Variants in DNAH2 observed in about 807,000 individuals in gnomAD.
DNAH2 encodes dynein axonemal heavy chain 2, also known as axonemal beta dynein heavy chain 2.
A neutral mutation model predicts 523.5 loss-of-function variants in DNAH2; 323 were observed. The observed-to-expected ratio is 0.62, with a 90% CI of 0.56 to 0.68. The LOEUF is 0.68. Ranked by LOEUF, DNAH2 falls within the 30% of genes least tolerant of loss-of-function variation. The pLI is 0.00. For missense variants in DNAH2, 4,907 were observed against 5,701.5 expected, an observed-to-expected ratio of 0.86 and a Z score of 4.49; for synonymous variants, 2,093 against 2,177.4, an observed-to-expected ratio of 0.96 and a Z score of 1.08.
chr17:7,738,479 G>A (rs916720359), intron 8 of DNAH2, among the ~76,000 whole-genome samples: 16 of 151,938 alleles, frequency 1.1e-4, no homozygotes, highest in African/African-American at 1.7e-4. Context: ...ACAGGTGCCC[G>A]CCACCATGCC....
intron 18 of DNAH2, among the ~76,000 whole-genome samples, chr17:7,763,467 G>A (rs1447158826): frequency 6.6e-6 from 1 of 152,046 alleles, no homozygotes; most frequent in Non-Finnish European, 1.5e-5. Context: ...TTTTAGTAGA[G>A]ATAAGGTTTC....
rs113927997 is a variant in DNAH2 at position 7,764,024 on chromosome 17, G to T, written c.3172G>T (p.Ala1058Ser). 4 of 1,614,074 alleles carry T rather than the reference G, an allele frequency of 2.5e-6. No individual in the cohort carries two copies. Among genetic ancestry groups the T allele is most frequent in the Non-Finnish European group, 3.4e-6 (4 of 1,180,038 alleles). The change falls in exon 19 of 86, where the codon GCA becomes TCA. Residue 1058 changes from alanine (A) to serine (S), a missense_variant. Coordinates refer to ENST00000572933, the MANE Select transcript of DNAH2 (RefSeq NM_020877.5). The part of the protein sequence containing the change: ...LELHTYLKEN[A>S]EKISRPPQTL... The stretch of plus-strand genomic sequence containing the variant: ...GCTGCACACCTACCTGAAGGAGAAC[G>T]CAGAGAAGTGCGGGCTGGGGCGCCC...
At chr17:7,816,982 G>A (rs1337711420) in intron 64 of DNAH2, among the ~76,000 whole-genome samples, 1 of 152,154 alleles carries the variant, frequency 6.6e-6, no homozygotes, top group Non-Finnish European at 1.5e-5. Context: ...GCACACACAA[G>A]GACTCTTGAT....
chr17:7,722,994 A>T (rs1597448626), intron 2 of DNAH2, among the ~76,000 whole-genome samples: 2 of 115,378 alleles, frequency 1.7e-5, no homozygotes, highest in African/African-American at 3.5e-5. Flanking sequence ...TTTGAGACAG[A>T]GTCTTCGCTC....
chr17:7,748,977 A>C (rs1050805632), intron 12 of DNAH2, among the ~76,000 whole-genome samples: 1 of 151,950 alleles, frequency 6.6e-6, no homozygotes, highest in African/African-American at 2.4e-5. Context: ...GTTGACTGAC[A>C]TATTAAACTT....
chr17:7,797,729 A>G lies in DNAH2; in HGVS notation c.8130A>G (p.Thr2710=). ...PKVYEDLTDL[T]VLKTVMETAL... ...TGTATGAAGACCTCACGGATCTGAC[A>G]GTGCTGAAGACAGTCATGGAGACAG... is the stretch of plus-strand genomic sequence containing the variant. Residue 2710 remains threonine (T), a synonymous_variant, in exon 53 of 86, where the codon ACA becomes ACG. Coordinates refer to ENST00000572933, the MANE Select transcript of DNAH2 (RefSeq NM_020877.5). The G allele has an allele frequency of 1.2e-6, 2 of 1,614,176 alleles. No homozygotes were observed. Among genetic ancestry groups the G allele is most frequent in the Non-Finnish European group, 1.7e-6 (2 of 1,180,038 alleles).
intron 63 of DNAH2, among the ~76,000 whole-genome samples, chr17:7,810,549 C>T (rs533305300): frequency 3.9e-5 from 6 of 152,064 alleles, no homozygotes; most frequent in South Asian, 2.1e-4. Flanking sequence ...CCACCACGCC[C>T]GGCTAATTTT....
chr17:7,813,470 T>C (rs1247654221), intron 63 of DNAH2, among the ~76,000 whole-genome samples: 1 of 152,150 alleles, frequency 6.6e-6, no homozygotes, highest in Non-Finnish European at 1.5e-5. Context: ...GGAGACTTGT[T>C]ACATAAATCA....
chr17:7,793,447 T>TTCTTTTTCTTTCTTTC lies in DNAH2; in HGVS notation c.7569+243_7569+244insCTTTTTCTTTCTTTCT, dbSNP rs774059490. ...GCCTGCTTGCTTTTTCTTTCTTTCT[T>TTCTTTTTCTTTCTTTC]TTTCTTTCTTTCTTTCTTTCTTTCT... is the stretch of plus-strand genomic sequence containing the variant. On this transcript the variant is annotated intron_variant, in intron 48 of 85. Coordinates refer to ENST00000572933, the MANE Select transcript of DNAH2 (RefSeq NM_020877.5). Among the ~76,000 whole-genome samples, 676 of 96,388 alleles carry TTCTTTTTCTTTCTTTC rather than the reference T, an allele frequency of 7.0e-3. 4 individuals are homozygous for TTCTTTTTCTTTCTTTC. The highest frequency in any genetic ancestry group is 0.02 in the East Asian group (73 of 3,686). The allele number at this position is 96,388 out of a possible 152,430, so 63.2% of individuals were successfully genotyped here. A position where few individuals can be genotyped will look rare whatever the true frequency, so the allele number is the denominator to read the frequency against.
rs1567643195 is a variant in DNAH2, at chr17:7,754,273, T to TATAGG, written c.1905-2817_1905-2816insTAGGA. 1.7e-5 allele frequency: 5 copies of TATAGG among 295,690 alleles called. No homozygotes were observed. Among genetic ancestry groups the TATAGG allele is most frequent in the Non-Finnish European group, 3.1e-5 (5 of 162,274 alleles). The allele number at this position is 295,690 out of a possible 1,614,324, so 18.3% of individuals were successfully genotyped here. A position where few individuals can be genotyped will look rare whatever the true frequency, so the allele number is the denominator to read the frequency against. ...AACTTAAATGATGGGAAGGAACTAG[T>TATAGG]AGATTGAAGGTATAGGAGAGCTGGA... On this transcript the variant is annotated intron_variant, in intron 12 of 85. Coordinates refer to ENST00000572933, the MANE Select transcript of DNAH2 (RefSeq NM_020877.5). The surrounding 1 kb of genome is among the most constrained non-coding windows in gnomAD (Gnocchi z 4.6).
At chr17:7,787,502 A>G (rs541511251) in intron 42 of DNAH2, 182 of 247,302 alleles carry the variant, frequency 7.4e-4, no homozygotes, top group African/African-American at 3.8e-3. Context: ...TGGGAGGCCA[A>G]GGTGGGCAGA....
chr17:7,732,396 T>C (rs2075015335), intron 4 of DNAH2, among the ~76,000 whole-genome samples: 1 of 143,310 alleles, frequency 7.0e-6, no homozygotes, highest in Non-Finnish European at 1.5e-5. Flanking sequence ...GATTGCACCA[T>C]TGCACTCCAG....
chr17:7,733,144 A>G lies in DNAH2; in HGVS notation c.457A>G (p.Asn153Asp). Residue 153 changes from asparagine (N) to aspartate (D), a missense_variant, in exon 5 of 86, where the codon AAC (asparagine) becomes GAC (aspartate). Physicochemically the swap from Asn to Asp is conservative, Grantham distance 23. This residue lies in a region of DNAH2 where 2,806 missense variants were observed against 3,190.8 expected (regional missense o/e 0.88). Transcript: ENST00000572933. ...AGCACCAGTTCCCATCACCTGGGAG[A>G]ACTTCGAGGCAACTGTGCAGTTTGG... The part of the protein sequence containing the change: ...RQAPVPITWE[N>D]FEATVQFGTV... 1 of 1,614,134 alleles carries G rather than the reference A, an allele frequency of 6.2e-7. No individual in the cohort carries two copies. Among genetic ancestry groups the G allele is most frequent in the Non-Finnish European group, 8.5e-7 (1 of 1,180,034 alleles).
chr17:7,757,530 G>T (rs939752284), intron 13 of DNAH2, among the ~76,000 whole-genome samples: 2 of 152,094 alleles, frequency 1.3e-5, no homozygotes, highest in African/African-American at 4.8e-5. Context: ...GGAATGAGAC[G>T]GGCTGGCATT....
In DNAH2 at chr17:7,821,567, G is replaced by A. The variant is rs2077856349; in HGVS notation, c.11142+198G>A. On this transcript the variant is annotated intron_variant, in intron 73 of 85. Coordinates refer to ENST00000572933, the MANE Select transcript of DNAH2 (RefSeq NM_020877.5). This position sits in a 1 kb window ranked among gnomAD's most constrained non-coding sequence, Gnocchi z 5.0. ...CTTGCCATGCACCCCCTTGCACTCA[G>A]CGCAGGCTGGGCTTTGTGGCATGTC... Among the ~76,000 whole-genome samples the A allele has an allele frequency of 6.6e-6, 1 of 152,172 alleles. No homozygotes were observed.
In DNAH2 at chr17:7,817,992, T is replaced by C; in HGVS notation, c.10283T>C (p.Leu3428Pro). Residue 3428 changes from leucine (L) to proline (P), a missense_variant, in exon 68 of 86, where the codon CTA (leucine) becomes CCA (proline). Leu to Pro is a moderately conservative substitution (Grantham distance 98). Around this residue, in one of 3 missense-constraint regions of DNAH2, gnomAD observed 1,851 missense variants for 2,139.4 expected, o/e 0.87. Coordinates refer to ENST00000572933, the MANE Select transcript of DNAH2 (RefSeq NM_020877.5). ...CAGATGAGCGATTACCTGCGAATCC[T>C]AGAACACGCCATTCACTTTGGATAC... ...DLQMSDYLRI[L>P]EHAIHFGYPV... 6.2e-7 allele frequency: 1 copy of C among 1,614,126 alleles called. No individual in the cohort carries two copies. The highest frequency in any genetic ancestry group is 1.1e-5 in the South Asian group (1 of 91,076).
At position 7,774,987 on chromosome 17, in the gene DNAH2, G is replaced by A; in HGVS notation, c.4719+11G>A. On this transcript the variant is annotated intron_variant, in intron 29 of 85. Transcript: ENST00000572933. ...CTGAGAATCCAGAAGGTCAGTAGAA[G>A]TGGCCACAGTGAGATGCTGGGTGGC... is the stretch of plus-strand genomic sequence containing the variant. The A allele has an allele frequency of 1.2e-6, 2 of 1,612,572 alleles. No individual in the cohort carries two copies. The highest frequency in any genetic ancestry group is 2.7e-5 in the African/African-American group (2 of 74,994).
rs1479921821 is a variant in DNAH2, at chr17:7,727,190, T to C, written c.297T>C (p.Asp99=). The C allele has an allele frequency of 1.2e-6, 2 of 1,608,636 alleles. No individual in the cohort carries two copies. The highest frequency in any genetic ancestry group is 1.1e-5 in the South Asian group (1 of 90,096). The change falls in exon 4 of 86, where the codon GAT becomes GAC. Residue 99 remains aspartate, a synonymous_variant. Coordinates refer to ENST00000572933, the MANE Select transcript of DNAH2 (RefSeq NM_020877.5). Reference sequence around the variant, plus strand: ...ATGCAGTGTGGACACAGGAGCATGATGCCATTCTGGAACACTTTGCCCAGG... The same window carrying C: ...ATGCAGTGTGGACACAGGAGCATGACGCCATTCTGGAACACTTTGCCCAGG... The part of the protein sequence containing the change: ...LADAVWTQEH[D]AILEHFAQDP...
At chr17:7,759,707 C>T in intron 16 of DNAH2, 84 bp from the exon 17 acceptor site, 3 of 1,602,542 alleles carry the variant, frequency 1.9e-6, no homozygotes, top group Non-Finnish European at 2.6e-6. Context: ...TGACTTTATC[C>T]TATGGCCTTC....
Sources: gnomAD v4.1 joint callset for allele counts (sites outside exome capture counted in the v4.1 genomes callset) on GRCh38, gnomAD v4.1.1 for gene constraint, gnomAD v4.1.1 regional missense constraint, Gnocchi (gnomAD v3.1) non-coding constraint, MANE v1.5 for transcripts, NCBI Gene and HGNC (gene_info 2026-07-23, HGNC 2026-07-21) for gene names.